Variants in GJB7 observed in about 807,000 individuals in gnomAD.
GJB7 encodes gap junction beta-7 protein.
For missense variants in GJB7, 253 were observed against 256.8 expected (o/e 0.99, Z 0.10); for synonymous variants, 87 against 95.2 (o/e 0.91, Z 0.50).
At chr6:87,323,151 G>A (rs187522218) in intron 1 of GJB7, 108 bp from the exon 2 acceptor site, 8 of 152,218 alleles carry the variant, frequency 5.3e-5, no homozygotes, top group African/African-American at 1.9e-4. Context: ...CCATGACATT[G>A]GGGGAAGCCA....
chr6:87,285,508 T>G (rs1241740392), intron 2 of GJB7, among the ~76,000 whole-genome samples: 1 of 152,136 alleles, frequency 6.6e-6, no homozygotes, highest in African/African-American at 2.4e-5. Context: ...CAATACAAAT[T>G]TCCTTAAACT....
intron 2 of GJB7, among the ~76,000 whole-genome samples, chr6:87,319,722 C>G (rs898794582): frequency 2.6e-5 from 4 of 152,218 alleles, no homozygotes; most frequent in Non-Finnish European, 5.9e-5. Flanking sequence ...GATATCTGCT[C>G]TCCCATGTTT....
chr6:87,304,275 C>T (rs549505759), intron 2 of GJB7, among the ~76,000 whole-genome samples: 24 of 151,980 alleles, frequency 1.6e-4, no homozygotes, highest in East Asian at 5.8e-4. Context: ...ATTGATAGAC[C>T]GCTAGCAAGA....
chr6:87,287,369 G>T (rs758168286), intron 2 of GJB7, among the ~76,000 whole-genome samples: 1 of 152,192 alleles, frequency 6.6e-6, no homozygotes, highest in Non-Finnish European at 1.5e-5. Flanking sequence ...TGTTCCAACA[G>T]CACACATGTT....
chr6:87,324,280 C>G (rs1468419289), intron 1 of GJB7, among the ~76,000 whole-genome samples: 1 of 152,102 alleles, frequency 6.6e-6, no homozygotes, highest in Admixed American at 6.5e-5. Flanking sequence ...TTAATTAGAT[C>G]CTATTTGTCA....
rs1776035942 is a variant in GJB7, at chr6:87,284,941, T to A, written c.-27-2A>T. ...TTAGGCTCAAAAGAAGGCAAGACTCTGCAAAATAAGACAATTTCATCAGGA... is the reference window on the plus strand; with the variant it reads ...TTAGGCTCAAAAGAAGGCAAGACTCAGCAAAATAAGACAATTTCATCAGGA... On this transcript the variant is annotated splice_acceptor_variant, in intron 2 of 2. Coordinates refer to ENST00000525899, the MANE Select transcript of GJB7 (RefSeq NM_198568.3). LOFTEE classifies it low-confidence loss of function (5UTR_SPLICE). The A allele has an allele frequency of 6.5e-7, 1 of 1,549,828 alleles. No individual in the cohort carries two copies. The highest frequency in any genetic ancestry group is 2.3e-5 in the East Asian group (1 of 44,288).
intron 2 of GJB7, among the ~76,000 whole-genome samples, chr6:87,296,011 G>T (rs1449164448): frequency 6.6e-6 from 1 of 152,174 alleles, no homozygotes; most frequent in African/African-American, 2.4e-5. Context: ...TCTGGTTGTT[G>T]AGTCAACAAA....
chr6:87,307,965 T>C (rs1265643294), intron 2 of GJB7, among the ~76,000 whole-genome samples: 1 of 152,134 alleles, frequency 6.6e-6, no homozygotes, highest in Non-Finnish European at 1.5e-5. Flanking sequence ...AACAAAGACT[T>C]GGAACCAACC....
rs573476897 is a variant in GJB7 at position 87,287,202 on chromosome 6, ATTTAC to A, written c.-27-2268_-27-2264del. On this transcript the variant is annotated intron_variant, in intron 2 of 2. Coordinates refer to ENST00000525899, the MANE Select transcript of GJB7 (RefSeq NM_198568.3). ...GGCTAGAGCTCCAGGCCTGCCATGA[ATTTAC>A]TTTATAATTTCTCAGGTGAAAACTT... Among the ~76,000 whole-genome samples the A allele has an allele frequency of 1.5e-3, 232 of 152,332 alleles. 1 individual carries two copies. The highest frequency in any genetic ancestry group is 5.2e-3 in the African/African-American group (215 of 41,556).
At chr6:87,302,731 T>C (rs1209855723) in intron 2 of GJB7, among the ~76,000 whole-genome samples, 1 of 151,552 alleles carries the variant, frequency 6.6e-6, no homozygotes, top group African/African-American at 2.4e-5. Context: ...AATTGTCAGA[T>C]TCACCAAAGT....
At chr6:87,325,376 C>G (rs1011540395) in intron 1 of GJB7, among the ~76,000 whole-genome samples, 2 of 144,072 alleles carry the variant, frequency 1.4e-5, no homozygotes, top group African/African-American at 5.3e-5. Context: ...CAGTTTTTGC[C>G]CATTCAGTAT....
chr6:87,301,819 T>A (rs1342696449), intron 2 of GJB7, among the ~76,000 whole-genome samples: 2 of 152,172 alleles, frequency 1.3e-5, no homozygotes, highest in Non-Finnish European at 2.9e-5. Context: ...CGGGTACCCC[T>A]CTGAGACGAA....
rs1776026866 is a variant in GJB7, at chr6:87,284,602, C to T, written c.311G>A (p.Arg104Lys). The change falls in exon 3 of 3, where the codon AGG becomes AAG. Residue 104 changes from arginine (R) to lysine (K), a missense_variant. By Grantham distance (26) the Arg-to-Lys change is conservative. Coordinates refer to ENST00000525899, the MANE Select transcript of GJB7 (RefSeq NM_198568.3). ...GCTGACATAGAGTTTCTTTCTGTGC[C>T]TTTTCTCTCTACCCTCATGATAGGC... ...HVAYHEGREK[R>K]HRKKLYVSPG... 1 of 1,614,054 alleles carries T rather than the reference C, an allele frequency of 6.2e-7. No individual in the cohort carries two copies. The highest frequency in any genetic ancestry group is 8.5e-7 in the Non-Finnish European group (1 of 1,180,036).
intron 2 of GJB7, among the ~76,000 whole-genome samples, chr6:87,320,805 G>A (rs534559259): frequency 1.7e-4 from 26 of 152,276 alleles, no homozygotes; most frequent in South Asian, 6.2e-4. Flanking sequence ...TAAGGTAAGC[G>A]GGGGTGTTGT....
At chr6:87,287,704 C>T (rs1028395886) in intron 2 of GJB7, among the ~76,000 whole-genome samples, 1 of 151,970 alleles carries the variant, frequency 6.6e-6, no homozygotes, top group Non-Finnish European at 1.5e-5. Flanking sequence ...CTGTATTACT[C>T]AAGAGGATAT....
In GJB7 at chr6:87,316,288, G is replaced by T. The variant is rs77255639; in HGVS notation, c.-28+6578C>A. Among the ~76,000 whole-genome samples the T allele has an allele frequency of 7.9e-3, 1,210 of 152,256 alleles. 23 individuals are homozygous for T. Among genetic ancestry groups the T allele is most frequent in the African/African-American group, 0.027 (1,106 of 41,544 alleles). On this transcript the variant is annotated intron_variant, in intron 2 of 2. Transcript: ENST00000525899. Reference sequence around the variant, plus strand: ...GGATCCATGTGCCCAATCTCTGCAAGAGCTCAGGATTGTCCTGCTCTAGTC... The same window carrying T: ...GGATCCATGTGCCCAATCTCTGCAATAGCTCAGGATTGTCCTGCTCTAGTC...
chr6:87,326,868 G>A (rs903087272), intron 1 of GJB7, among the ~76,000 whole-genome samples: 1 of 120,448 alleles, frequency 8.3e-6, no homozygotes, highest in African/African-American at 3.5e-5. Flanking sequence ...ACAGTGGGGT[G>A]TTAAAGTCTC....
chr6:87,293,660 C>A (rs1776211410), intron 2 of GJB7, among the ~76,000 whole-genome samples: 1 of 152,190 alleles, frequency 6.6e-6, no homozygotes, highest in South Asian at 2.1e-4. Context: ...TGCTAAGACA[C>A]CTTCTGCTAG....
intron 2 of GJB7, among the ~76,000 whole-genome samples, chr6:87,319,492 C>T (rs757764510): frequency 6.6e-6 from 1 of 152,076 alleles, no homozygotes; most frequent in South Asian, 2.1e-4. Context: ...ACTGAGAACC[C>T]TAAGGGATAA....
Sources: allele counts gnomAD v4.1 joint callset (sites outside exome capture counted in the v4.1 genomes callset), GRCh38; gene constraint gnomAD v4.1.1; transcripts MANE v1.5; gene names NCBI Gene and HGNC (gene_info 2026-07-23, HGNC 2026-07-21).